Variants in LARGE1 observed in about 807,000 individuals in gnomAD.
LARGE1 encodes xylosyl- and glucuronyltransferase LARGE1.
Under a neutral mutation model 87.6 loss-of-function variants are expected in LARGE1, and 43 were observed. The observed-to-expected ratio is 0.49, with a 90% CI of 0.38 to 0.63. The LOEUF is 0.63. Ranked by LOEUF, LARGE1 falls within the 30% of genes least tolerant of loss-of-function variation. The probability of loss-of-function intolerance (pLI) is 0.00; values close to 1 mark genes in which losing one functional copy is unlikely to be tolerated. For synonymous variants in LARGE1, 434 were observed against 394.6 expected, an observed-to-expected ratio of 1.10 and a Z score of -1.18; for missense variants, 802 against 1,000.2, an observed-to-expected ratio of 0.80 and a Z score of 2.67.
intron 1 of LARGE1, among the ~76,000 whole-genome samples, chr22:33,792,322 T>C (rs1221649711): frequency 6.6e-6 from 1 of 152,122 alleles, no homozygotes; most frequent in African/African-American, 2.4e-5. Context: ...GTTCTGATGG[T>C]TTTATAAGTG....
chr22:33,305,063 G>C (rs1192832319), intron 11 of LARGE1, among the ~76,000 whole-genome samples: 1 of 152,206 alleles, frequency 6.6e-6, no homozygotes, highest in Non-Finnish European at 1.5e-5. Context: ...CCATTTTCCT[G>C]ATGGAGGAAC....
At chr22:33,137,776 C>T in the LARGE1 span, among the ~76,000 whole-genome samples, 1 of 152,180 alleles carries the variant, frequency 6.6e-6, no homozygotes, top group Non-Finnish European at 1.5e-5. Flanking sequence ...TGGCAGCTTC[C>T]AAGTGGTGTT....
chr22:33,878,829 A>G (rs1025634252), intron 1 of LARGE1, among the ~76,000 whole-genome samples: 1 of 152,202 alleles, frequency 6.6e-6, no homozygotes, highest in Admixed American at 6.5e-5. Context: ...GCTGTGTTTA[A>G]TAGGATAAGT....
chr22:33,549,093 C>G (rs185659282), intron 6 of LARGE1, among the ~76,000 whole-genome samples: 30 of 152,248 alleles, frequency 2.0e-4, no homozygotes, highest in South Asian at 6.2e-4. Context: ...TGACAGTGTT[C>G]CTTTAAAAGG....
At chr22:33,585,621 C>T (rs2078649686) in intron 5 of LARGE1, among the ~76,000 whole-genome samples, 1 of 152,304 alleles carries the variant, frequency 6.6e-6, no homozygotes, top group African/African-American at 2.4e-5. Context: ...CACGAAAATT[C>T]CCAAGATAAT....
intron 6 of LARGE1, 93 bp from the exon 7 acceptor site, chr22:33,432,358 C>A: frequency 1.1e-6 from 1 of 902,932 alleles, no homozygotes; most frequent in South Asian, 1.4e-5. Flanking sequence ...GGCAAATCAT[C>A]ACAACAACAG....
intron 2 of LARGE1, among the ~76,000 whole-genome samples, chr22:33,759,076 G>A (rs1364799124): frequency 6.6e-6 from 1 of 152,118 alleles, no homozygotes; most frequent in Non-Finnish European, 1.5e-5. Flanking sequence ...CCTCTATGTA[G>A]ATAAAGTCAC....
intron 5 of LARGE1, among the ~76,000 whole-genome samples, chr22:33,585,757 C>A (rs2078653449): frequency 6.6e-6 from 1 of 152,192 alleles, no homozygotes; most frequent in African/African-American, 2.4e-5. Context: ...GGAAACTGAT[C>A]ACACAGGTAA....
At chr22:33,202,390 C>T (rs73882000) in intron 11 of LARGE1, among the ~76,000 whole-genome samples, 4,613 of 152,276 alleles carry the variant, frequency 0.03, 97 homozygotes, top group Admixed American at 0.057. Flanking sequence ...TCTTTTTACA[C>T]GAGAACTGTC....
chr22:33,890,807 T>A, intron 1 of LARGE1, among the ~76,000 whole-genome samples: 1 of 141,396 alleles, frequency 7.1e-6, no homozygotes, highest in African/African-American at 2.6e-5. Context: ...GGCGGGGGGG[T>A]GCTGCCTCAG....
At chr22:33,789,462 T>C (rs1030443318) in intron 1 of LARGE1, among the ~76,000 whole-genome samples, 1 of 152,172 alleles carries the variant, frequency 6.6e-6, no homozygotes, top group African/African-American at 2.4e-5. Flanking sequence ...GAGTGCCCAC[T>C]GGGGCACTGC....
At chr22:33,253,893 A>C (rs1602152675) in intron 11 of LARGE1, among the ~76,000 whole-genome samples, 1 of 137,308 alleles carries the variant, frequency 7.3e-6, no homozygotes, top group South Asian at 2.4e-4. Flanking sequence ...CCCAATTTTC[A>C]TTCTTTCCTT....
At chr22:33,405,172 T>C (rs566531067) in intron 7 of LARGE1, among the ~76,000 whole-genome samples, 1 of 152,380 alleles carries the variant, frequency 6.6e-6, no homozygotes, top group African/African-American at 2.4e-5. Flanking sequence ...TGATTGCTAC[T>C]GTTCAAAAGC....
chr22:33,420,000 A>G lies in LARGE1; in HGVS notation c.892+12161T>C, dbSNP rs571691697. 4.3e-4 allele frequency among the ~76,000 whole-genome samples: 65 copies of G among 152,084 alleles called. 1 individual carries two copies. Among genetic ancestry groups the G allele is most frequent in the Admixed American group, 7.9e-4 (12 of 15,256 alleles). ...TGAGCCACTGCACCTGACCCAGATG[A>G]ATCTTTGTTATGGGGGGACTGTCTG... On this transcript the variant is annotated intron_variant, in intron 7 of 14. Transcript: ENST00000397394.
chr22:33,640,775 T>C (rs1005170206), intron 3 of LARGE1, among the ~76,000 whole-genome samples: 7 of 152,160 alleles, frequency 4.6e-5, no homozygotes, highest in Admixed American at 2.6e-4. Flanking sequence ...TACTGAGGCC[T>C]GAGTATGCGG....
At chr22:33,748,924 T>G (rs2084205324) in intron 2 of LARGE1, among the ~76,000 whole-genome samples, 1 of 152,214 alleles carries the variant, frequency 6.6e-6, no homozygotes, top group Admixed American at 6.5e-5. Context: ...TCTCTAGGTT[T>G]CAGTTCCTCA....
At chr22:33,528,389 A>G (rs1426116819) in intron 6 of LARGE1, among the ~76,000 whole-genome samples, 1 of 152,186 alleles carries the variant, frequency 6.6e-6, no homozygotes, top group Non-Finnish European at 1.5e-5. Context: ...TACATATTCA[A>G]TAAGCTATAG....
intron 11 of LARGE1, among the ~76,000 whole-genome samples, chr22:33,179,867 G>T (rs1480403559): frequency 6.6e-6 from 1 of 151,648 alleles, no homozygotes; most frequent in Non-Finnish European, 1.5e-5. Flanking sequence ...TCCAAAATTT[G>T]TGTTGAAACG....
chr22:33,110,015 A>G, the LARGE1 span, among the ~76,000 whole-genome samples: 3 of 152,194 alleles, frequency 2.0e-5, no homozygotes, highest in Non-Finnish European at 4.4e-5. Flanking sequence ...CTTTACGGCA[A>G]TGCAAAGTGA....
Sources: allele counts gnomAD v4.1 joint callset (sites outside exome capture counted in the v4.1 genomes callset), GRCh38; gene constraint gnomAD v4.1.1; transcripts MANE v1.5; gene names NCBI Gene and HGNC (gene_info 2026-07-23, HGNC 2026-07-21).